The following USP8 variants were observed in gnomAD, a reference collection of about 807,000 sequenced individuals.
USP8 encodes ubiquitin specific peptidase 8, also known as ubiquitin carboxyl-terminal hydrolase 8.
Under a neutral mutation model 130.0 loss-of-function variants are expected in USP8, and 27 were observed. That is an observed-to-expected ratio of 0.21 (90% CI 0.15 to 0.29). The LOEUF (loss-of-function observed/expected upper bound fraction) is 0.29. Among genes scored for constraint, USP8 ranks in the 10% least tolerant of loss-of-function variants. The pLI is 1.00. For missense variants in USP8, 1,029 were observed against 1,312.2 expected (o/e 0.78, Z 3.33); for synonymous variants, 392 against 444.1 (o/e 0.88, Z 1.48).
rs2052705601 is a variant in USP8 at position 50,509,167 on chromosome 15, A to G, written c.*10079A>G. 6.7e-6 allele frequency: 1 copy of G among 149,490 alleles called. No homozygotes were observed. Among genetic ancestry groups the G allele is most frequent in the Non-Finnish European group, 1.5e-5 (1 of 67,756 alleles). The allele number at this position is 149,490 out of a possible 1,614,324, so 9.3% of individuals were successfully genotyped here. A position where few individuals can be genotyped will look rare whatever the true frequency, so the allele number is the denominator to read the frequency against. ...AAAAAAAAAAAAAAAAAAAATTACA[A>G]AATTAGCTGGACATGGTGTTGTGCC... On this transcript the variant is annotated 3_prime_UTR_variant, in exon 20 of 20. Coordinates refer to ENST00000307179, the MANE Select transcript of USP8 (RefSeq NM_005154.5).
intron 8 of USP8, among the ~76,000 whole-genome samples, chr15:50,475,573 A>G (rs865943713): frequency 2.6e-5 from 4 of 152,100 alleles, no homozygotes; most frequent in African/African-American, 9.6e-5. Context: ...ACACACATAT[A>G]TGTACACACA....
At chr15:50,491,915 G>GA (rs1185104867) in intron 14 of USP8, among the ~76,000 whole-genome samples, 11 of 152,100 alleles carry the variant, frequency 7.2e-5, no homozygotes, top group African/African-American at 2.7e-4. Flanking sequence ...TGCCCAGGCT[G>GA]AAGTGCAGTG....
Position 50,462,170 on chromosome 15 carries a change from C to T in USP8, c.499-110C>T, listed in dbSNP as rs147859074. On this transcript the variant is annotated intron_variant, in intron 5 of 19. Transcript: ENST00000307179. ...TGCGTTTTTATAAAAGGCCAGTACT[C>T]TGCACAGTTCGTTTCTTAGAGTTTC... is the stretch of plus-strand genomic sequence containing the variant. 9.3e-5 allele frequency: 82 copies of T among 882,204 alleles called. No individual in the cohort carries two copies. In the African/African-American group the frequency reaches 1.2e-3, roughly 13 times the overall value. The allele number at this position is 882,204 out of a possible 1,614,324, so 54.6% of individuals were successfully genotyped here.
At chr15:50,437,305 TC>T (rs1287592670) in intron 1 of USP8, among the ~76,000 whole-genome samples, 38 of 152,318 alleles carry the variant, frequency 2.5e-4, no homozygotes, top group African/African-American at 8.2e-4. Context: ...ATTACAACTC[TC>T]CCTCTCCCAA....
Position 50,510,347 on chromosome 15 carries a change from T to A in USP8, c.*11259T>A, listed in dbSNP as rs1423631740. The A allele has an allele frequency of 6.6e-6, 1 of 152,118 alleles. No individual in the cohort carries two copies. The highest frequency in any genetic ancestry group is 2.4e-5 in the African/African-American group (1 of 41,426). The allele number at this position is 152,118 out of a possible 1,614,324, so 9.4% of individuals were successfully genotyped here. On this transcript the variant is annotated 3_prime_UTR_variant, in exon 20 of 20. Transcript: ENST00000307179. ...TCTTAAATGAGACACAGAAAAGGACTAACTAGAAAAGATTGATGTTCCAAC... is the reference window on the plus strand; with the variant it reads ...TCTTAAATGAGACACAGAAAAGGACAAACTAGAAAAGATTGATGTTCCAAC...
intron 5 of USP8, 115 bp downstream of exon 5, chr15:50,459,277 A>G (rs1307136619): frequency 7.3e-7 from 1 of 1,360,808 alleles, no homozygotes; most frequent in East Asian, 2.6e-5. Flanking sequence ...ATGAAATTTA[A>G]TGTTTTAATT....
rs1053040531 is a variant in USP8, at chr15:50,513,650, G to A, written c.*14562G>A. On this transcript the variant is annotated 3_prime_UTR_variant, in exon 20 of 20. Transcript: ENST00000307179. ...CCACAGAATAGGAAAAAGAATAAAAGACTTGTTTAGGCATTTCACAAAAGA... is the reference window on the plus strand; with the variant it reads ...CCACAGAATAGGAAAAAGAATAAAAAACTTGTTTAGGCATTTCACAAAAGA... The A allele has an allele frequency of 6.6e-6, 1 of 151,122 alleles. No homozygotes were observed. The highest frequency in any genetic ancestry group is 2.4e-5 in the African/African-American group (1 of 41,074). The allele number at this position is 151,122 out of a possible 1,614,324, so 9.4% of individuals were successfully genotyped here.
chr15:50,477,095 G>T, intron 9 of USP8, 102 bp downstream of exon 9: 1 of 1,470,580 alleles, frequency 6.8e-7, no homozygotes, highest in South Asian at 1.3e-5. Context: ...TGTCCTATTA[G>T]AGAGCAGTTT....
intron 4 of USP8, among the ~76,000 whole-genome samples, chr15:50,455,473 T>A (rs2050761955): frequency 6.6e-6 from 1 of 152,232 alleles, no homozygotes; most frequent in Non-Finnish European, 1.5e-5. Context: ...ACATTTTCAT[T>A]TACGCCCTTG....
At chr15:50,438,767 T>C (rs2050160025) in intron 1 of USP8, among the ~76,000 whole-genome samples, 1 of 152,194 alleles carries the variant, frequency 6.6e-6, no homozygotes, top group Admixed American at 6.6e-5. Context: ...ACAGGTAAGA[T>C]TCCCAACTCT....
At chr15:50,477,885 A>T (rs891698134) in intron 10 of USP8, among the ~76,000 whole-genome samples, 3 of 152,182 alleles carry the variant, frequency 2.0e-5, no homozygotes, top group African/African-American at 7.2e-5. Context: ...ACGAAGTTTA[A>T]TATATAACCT....
At chr15:50,469,560 A>G (rs1463006015) in intron 7 of USP8, among the ~76,000 whole-genome samples, 1 of 152,158 alleles carries the variant, frequency 6.6e-6, no homozygotes, top group Admixed American at 6.5e-5. Context: ...AGAGGATATT[A>G]GTAGACAATA....
intron 5 of USP8, among the ~76,000 whole-genome samples, chr15:50,460,938 T>C (rs982682754): frequency 6.6e-6 from 1 of 150,946 alleles, no homozygotes; most frequent in African/African-American, 2.4e-5. Flanking sequence ...GGGCAGGTCA[T>C]TTGAGTCCAG....
intron 1 of USP8, among the ~76,000 whole-genome samples, chr15:50,432,171 A>G (rs887457482): frequency 1.3e-5 from 2 of 152,206 alleles, no homozygotes; most frequent in Admixed American, 6.5e-5. Flanking sequence ...CTGGGACCAT[A>G]AAGGATGGAA....
In USP8 at chr15:50,511,740, T is replaced by TA. The variant is rs1460282788; in HGVS notation, c.*12654dup. ...GGCCAGGCACTGTGGCTCACGCCTG[T>TA]AATCCCAGCACCTGGGGGAGCCGAG... On this transcript the variant is annotated 3_prime_UTR_variant, in exon 20 of 20. Transcript: ENST00000307179. The TA allele has an allele frequency of 1.3e-5, 2 of 152,314 alleles. No homozygotes were observed. Among genetic ancestry groups the TA allele is most frequent in the Non-Finnish European group, 2.9e-5 (2 of 68,080 alleles). 9.4% of individuals were successfully genotyped at this position (152,314 alleles called of 1,614,324 possible).
chr15:50,495,755 A>G, intron 16 of USP8, 93 bp from the exon 17 acceptor site: 3 of 1,027,944 alleles, frequency 2.9e-6, no homozygotes, highest in South Asian at 3.4e-5. Context: ...AGGTGTTTCT[A>G]AATCTGGCAA....
At chr15:50,432,610 C>A (rs2141246825) in intron 1 of USP8, 1 of 152,330 alleles carries the variant, frequency 6.6e-6, no homozygotes, top group East Asian at 1.9e-4. Context: ...CTTGGAGTTA[C>A]ATTGCTGTAG....
chr15:50,511,622 T>G lies in USP8; in HGVS notation c.*12534T>G, dbSNP rs1373277217. The G allele has an allele frequency of 6.6e-6, 1 of 152,214 alleles. No individual in the cohort carries two copies. The highest frequency in any genetic ancestry group is 2.4e-5 in the African/African-American group (1 of 41,454). The allele number at this position is 152,214 out of a possible 1,614,324, so 9.4% of individuals were successfully genotyped here. On this transcript the variant is annotated 3_prime_UTR_variant, in exon 20 of 20. Coordinates refer to ENST00000307179, the MANE Select transcript of USP8 (RefSeq NM_005154.5). ...TGAAGTACAGATACATGCTATGACA[T>G]GAATGAAACTTGAAAACATTATGCT...
chr15:50,471,928 T>G (rs1034512216), intron 8 of USP8, 133 bp downstream of exon 8: 7 of 973,610 alleles, frequency 7.2e-6, no homozygotes, highest in Non-Finnish European at 1.1e-5. Flanking sequence ...TGAGACTGAG[T>G]CTCACTCTGT....
Sources: gnomAD v4.1 joint callset for allele counts (sites outside exome capture counted in the v4.1 genomes callset) on GRCh38, gnomAD v4.1.1 for gene constraint, MANE v1.5 for transcripts, NCBI Gene and HGNC (gene_info 2026-07-23, HGNC 2026-07-21) for gene names.